The following MPPED2 variants were observed in gnomAD, a reference collection of about 807,000 sequenced individuals.
MPPED2 encodes metallophosphoesterase MPPED2.
Under a neutral mutation model 33.0 loss-of-function variants are expected in MPPED2, and 5 were observed. That is an observed-to-expected ratio of 0.15 (90% CI 0.08 to 0.32). MPPED2 has a LOEUF of 0.32. MPPED2 is among the 10% of genes least tolerant of loss of function. MPPED2 has a pLI of 1.00. For missense variants in MPPED2, 275 were observed against 372.1 expected (o/e 0.74, Z 2.15); for synonymous variants, 136 against 141.9 (o/e 0.96, Z 0.29).
chr11:30,492,158 A>G (rs1952012522), intron 4 of MPPED2, among the ~76,000 whole-genome samples: 1 of 152,220 alleles, frequency 6.6e-6, no homozygotes, highest in Non-Finnish European at 1.5e-5. Flanking sequence ...TTGCAGCACC[A>G]CCAAAAACAG....
intron 4 of MPPED2, chr11:30,452,129 A>G: frequency 2.0e-6 from 2 of 982,558 alleles, no homozygotes; most frequent in Non-Finnish European, 2.4e-6. Context: ...TCTCTACTTA[A>G]AAATCTTCAA....
chr11:30,474,321 A>C (rs1351659632), intron 4 of MPPED2, among the ~76,000 whole-genome samples: 3 of 152,170 alleles, frequency 2.0e-5, no homozygotes, highest in African/African-American at 7.2e-5. Flanking sequence ...TTTTTCCACT[A>C]GTGAGGTTCC....
intron 3 of MPPED2, among the ~76,000 whole-genome samples, chr11:30,526,202 C>T (rs1954166017): frequency 6.6e-6 from 1 of 152,074 alleles, no homozygotes; most frequent in African/African-American, 2.4e-5. Context: ...ATACTCTTAT[C>T]CTGTACTATT....
At chr11:30,439,137 G>A (rs976694594) in intron 4 of MPPED2, among the ~76,000 whole-genome samples, 2 of 152,198 alleles carry the variant, frequency 1.3e-5, no homozygotes, top group Non-Finnish European at 2.9e-5. Context: ...AGTTTCCTGG[G>A]TTCTGATAAA....
intron 3 of MPPED2, among the ~76,000 whole-genome samples, chr11:30,534,891 T>C (rs576926640): frequency 6.6e-6 from 1 of 152,316 alleles, no homozygotes; most frequent in African/African-American, 2.4e-5. Context: ...ATGAATGCCA[T>C]GCTGCTATTA....
Position 30,552,464 on chromosome 11 carries a change from A to G in MPPED2, c.129-16289T>C, listed in dbSNP as rs117924312. On this transcript the variant is annotated intron_variant, in intron 2 of 6. Coordinates refer to ENST00000358117, the MANE Select transcript of MPPED2 (RefSeq NM_001584.3). ...ATGAACCCATAATTCTGCCTCCCAG[A>G]GATAGCTACTAGTAACATTTTGGTA... Among the ~76,000 whole-genome samples the G allele has an allele frequency of 1.1e-4, 17 of 152,338 alleles. 1 individual carries two copies. The East Asian group carries it at 3.3e-3, about 29-fold the overall frequency.
At chr11:30,480,245 G>A (rs553287467) in intron 4 of MPPED2, among the ~76,000 whole-genome samples, 10 of 152,002 alleles carry the variant, frequency 6.6e-5, no homozygotes, top group Non-Finnish European at 1.3e-4. Context: ...CAGCCTAGAC[G>A]CTCTGCATAC....
intron 3 of MPPED2, among the ~76,000 whole-genome samples, chr11:30,507,976 T>C (rs1434233235): frequency 6.6e-6 from 1 of 152,172 alleles, no homozygotes; most frequent in Non-Finnish European, 1.5e-5. Context: ...TACATTTTCA[T>C]TCCTTACTCA....
intron 6 of MPPED2, among the ~76,000 whole-genome samples, chr11:30,394,776 T>A (rs1475160985): frequency 6.6e-6 from 1 of 152,210 alleles, no homozygotes; most frequent in Non-Finnish European, 1.5e-5. Flanking sequence ...CTTACAAATT[T>A]TTTTCTATCA....
exon 7 of MPPED2, chr11:30,385,029 G>C (rs554870542): frequency 6.6e-6 from 1 of 152,170 alleles, no homozygotes; most frequent in African/African-American, 2.4e-5. Context: ...TAGGGGGTGA[G>C]AGTCATTATT....
intron 2 of MPPED2, among the ~76,000 whole-genome samples, chr11:30,558,012 T>A (rs573416267): frequency 2.0e-5 from 3 of 152,250 alleles, no homozygotes; most frequent in Non-Finnish European, 4.4e-5. Flanking sequence ...TATGAAGAAC[T>A]CTTTCTTTAT....
At chr11:30,430,764 G>A (rs1949044342) in intron 4 of MPPED2, among the ~76,000 whole-genome samples, 1 of 152,306 alleles carries the variant, frequency 6.6e-6, no homozygotes, top group Non-Finnish European at 1.5e-5. Flanking sequence ...TACATATTAT[G>A]CAAATGTTAA....
At chr11:30,403,428 G>A (rs553238747) in intron 6 of MPPED2, among the ~76,000 whole-genome samples, 1 of 152,304 alleles carries the variant, frequency 6.6e-6, no homozygotes, top group South Asian at 2.1e-4. Context: ...CAGAAACAAT[G>A]TGTGATGAGT....
At chr11:30,425,563 G>C (rs946645294) in intron 4 of MPPED2, 1 of 152,180 alleles carries the variant, frequency 6.6e-6, no homozygotes, top group Admixed American at 6.5e-5. Context: ...CATGCAAAGA[G>C]AGCCTGACGA....
At chr11:30,414,691 C>T (rs1408495088) in intron 5 of MPPED2, among the ~76,000 whole-genome samples, 1 of 152,086 alleles carries the variant, frequency 6.6e-6, no homozygotes, top group Non-Finnish European at 1.5e-5. Flanking sequence ...AATTCAGTTA[C>T]TTTCGCTATT....
intron 4 of MPPED2, among the ~76,000 whole-genome samples, chr11:30,445,901 C>T (rs987954473): frequency 2.6e-5 from 4 of 152,168 alleles, no homozygotes; most frequent in African/African-American, 7.2e-5. Flanking sequence ...GGGAATAATG[C>T]TGCTATGAAC....
chr11:30,444,658 T>C lies in MPPED2; in HGVS notation c.537-27025A>G, dbSNP rs546496414. Among the ~76,000 whole-genome samples the C allele has an allele frequency of 4.6e-5, 7 of 152,332 alleles. 1 individual carries two copies. The South Asian group carries it at 1.5e-3, about 32-fold the overall frequency. ...ATTAACTCATTAAAAATATTTATTA[T>C]AATCTTGCTCCTTTCTACGTTATTT... On this transcript the variant is annotated intron_variant, in intron 4 of 6. Transcript: ENST00000358117.
chr11:30,561,352 C>T (rs563016825), intron 2 of MPPED2, among the ~76,000 whole-genome samples: 1 of 152,220 alleles, frequency 6.6e-6, no homozygotes, highest in Admixed American at 6.5e-5. Flanking sequence ...AGATAATTTC[C>T]TCATTATGAA....
At chr11:30,576,030 C>T (rs1383526173) in intron 2 of MPPED2, among the ~76,000 whole-genome samples, 1 of 152,104 alleles carries the variant, frequency 6.6e-6, no homozygotes, top group Non-Finnish European at 1.5e-5. Flanking sequence ...ATTAAAAACC[C>T]AGAATCAATG....
Sources: allele counts gnomAD v4.1 joint callset (sites outside exome capture counted in the v4.1 genomes callset), GRCh38; gene constraint gnomAD v4.1.1; transcripts MANE v1.5; gene names NCBI Gene and HGNC (gene_info 2026-07-23, HGNC 2026-07-21).